ACYP2: variants seen among roughly 807,000 people sequenced by gnomAD.
The protein encoded by ACYP2 is acylphosphatase-2.
ACYP2 carries 12 observed loss-of-function variants against 11.2 expected under a neutral mutation model. That is an observed-to-expected ratio of 1.08 (90% CI 0.69 to 1.74). The LOEUF is 1.74. Among genes scored for constraint, ACYP2 ranks in the 40% most tolerant of loss-of-function variants. The pLI is 0.00. For missense variants in ACYP2, 134 were observed against 101.9 expected (o/e 1.31, Z -1.35); for synonymous variants, 43 against 32.2 (o/e 1.33, Z -1.13).
intron 6 of ACYP2, among the ~76,000 whole-genome samples, chr2:54,165,819 C>T (rs1682944570): frequency 2.0e-5 from 3 of 151,954 alleles, no homozygotes; most frequent in South Asian, 2.1e-4. Flanking sequence ...AATCTTCTGG[C>T]GGAAATCTAA....
intron 6 of ACYP2, among the ~76,000 whole-genome samples, chr2:54,157,717 C>T (rs1682496296): frequency 6.6e-6 from 1 of 152,146 alleles, no homozygotes; most frequent in African/African-American, 2.4e-5. Context: ...GTAGTAAGTG[C>T]CGTGAAGGCA....
intron 6 of ACYP2, chr2:54,255,853 G>A (rs1243685150): frequency 2.5e-6 from 4 of 1,613,950 alleles, no homozygotes; most frequent in Non-Finnish European, 3.4e-6. Flanking sequence ...GGCAGAGGCC[G>A]CTTCTAGGCC....
At chr2:54,101,311 A>G (rs1297590546) in intron 4 of ACYP2, among the ~76,000 whole-genome samples, 1 of 152,036 alleles carries the variant, frequency 6.6e-6, no homozygotes, top group African/African-American at 2.4e-5. Flanking sequence ...ACTTCATGAC[A>G]GTTGTTTTGT....
chr2:54,117,188 G>T (rs7560496), intron 4 of ACYP2, among the ~76,000 whole-genome samples: 9,636 of 152,036 alleles, frequency 0.063, 1,002 homozygotes, highest in African/African-American at 0.22. Flanking sequence ...TTGTCTGGAT[G>T]GAGTTATTAT....
At chr2:54,131,380 C>G (rs10206954) in intron 4 of ACYP2, among the ~76,000 whole-genome samples, 2 of 152,074 alleles carry the variant, frequency 1.3e-5, no homozygotes, top group Admixed American at 6.5e-5. Flanking sequence ...AAGGGCTGCT[C>G]GAGATTCGTA....
intron 6 of ACYP2, among the ~76,000 whole-genome samples, chr2:54,277,749 C>T (rs1212231986): frequency 6.6e-6 from 1 of 152,100 alleles, no homozygotes; most frequent in Non-Finnish European, 1.5e-5. Context: ...AGGCACAAAG[C>T]TTTCTACAAT....
intron 4 of ACYP2, chr2:54,115,627 C>T: frequency 6.4e-7 from 1 of 1,569,136 alleles, no homozygotes; most frequent in Non-Finnish European, 8.6e-7. Flanking sequence ...GTGTCCCCTC[C>T]CTCTCGCAGC....
At chr2:54,044,446 GA>G (rs35003111) in intron 2 of ACYP2, among the ~76,000 whole-genome samples, 35,980 of 139,282 alleles carry the variant, frequency 0.26, 4,833 homozygotes, top group South Asian at 0.48. Context: ...AATACCAAAA[GA>G]AAAAAAAAAA....
chr2:54,015,588 T>G (rs941164427), intron 2 of ACYP2, among the ~76,000 whole-genome samples: 2 of 150,556 alleles, frequency 1.3e-5, no homozygotes, highest in African/African-American at 2.5e-5. Context: ...GGTGGAGGAT[T>G]CAGCGAGCCA....
chr2:54,291,418 G>T (rs1376409050), intron 6 of ACYP2, among the ~76,000 whole-genome samples: 1 of 152,172 alleles, frequency 6.6e-6, no homozygotes, highest in Non-Finnish European at 1.5e-5. Flanking sequence ...CCAGAGTGAA[G>T]AATTTCATGA....
chr2:54,262,171 G>T (rs191280587), intron 6 of ACYP2, among the ~76,000 whole-genome samples: 39 of 152,312 alleles, frequency 2.6e-4, no homozygotes, highest in African/African-American at 8.9e-4. Flanking sequence ...AGCCAGGGGT[G>T]AGCAGAGCCA....
At chr2:54,266,710 A>G (rs1374971849) in intron 6 of ACYP2, among the ~76,000 whole-genome samples, 2 of 139,506 alleles carry the variant, frequency 1.4e-5, no homozygotes, top group African/African-American at 5.4e-5. Flanking sequence ...GGTTCACGCC[A>G]TTCTCCTGCC....
intron 6 of ACYP2, among the ~76,000 whole-genome samples, chr2:54,200,570 T>C (rs1009972059): frequency 6.6e-6 from 1 of 152,216 alleles, no homozygotes; most frequent in African/African-American, 2.4e-5. Flanking sequence ...TCAAGGTTTA[T>C]TCATGTAGTA....
intron 5 of ACYP2, 63 bp from the exon 3 acceptor site, chr2:54,138,576 A>G: frequency 7.7e-7 from 1 of 1,305,726 alleles, no homozygotes; most frequent in Non-Finnish European, 1.1e-6. Context: ...ATTAGAATCA[A>G]GTATGTTATG....
intron 2 of ACYP2, among the ~76,000 whole-genome samples, chr2:53,988,135 C>T (rs1672118788): frequency 6.6e-6 from 1 of 152,002 alleles, no homozygotes; most frequent in African/African-American, 2.4e-5. Context: ...GAGGCTGAGG[C>T]AGGAGGATTA....
At chr2:54,201,666 C>CTT (rs749643614) in intron 6 of ACYP2, among the ~76,000 whole-genome samples, 4 of 93,578 alleles carry the variant, frequency 4.3e-5, no homozygotes, top group Non-Finnish European at 2.3e-5. Context: ...TTCTTTCTTT[C>CTT]TTTCTTTCTT....
chr2:54,298,368 T>C (rs1689600114), intron 6 of ACYP2, among the ~76,000 whole-genome samples: 1 of 152,196 alleles, frequency 6.6e-6, no homozygotes, highest in Non-Finnish European at 1.5e-5. Flanking sequence ...CATACTTTTA[T>C]ATGAAGATGG....
At chr2:54,288,208 T>G (rs1689159035) in intron 6 of ACYP2, among the ~76,000 whole-genome samples, 1 of 151,984 alleles carries the variant, frequency 6.6e-6, no homozygotes, top group African/African-American at 2.4e-5. Context: ...TACAATTAAG[T>G]GATAAGCTTT....
At chr2:54,020,366 A>G (rs1673939718) in intron 2 of ACYP2, among the ~76,000 whole-genome samples, 1 of 152,244 alleles carries the variant, frequency 6.6e-6, no homozygotes, top group Admixed American at 6.5e-5. Flanking sequence ...CTATTAAAAA[A>G]TAATGCTCCT....
Sources: gnomAD v4.1 joint callset for allele counts (sites outside exome capture counted in the v4.1 genomes callset) on GRCh38, gnomAD v4.1.1 for gene constraint, MANE v1.5 for transcripts, NCBI Gene and HGNC (gene_info 2026-07-23, HGNC 2026-07-21) for gene names.